The following ATP10A variants were observed in gnomAD, a reference collection of about 807,000 sequenced individuals.
The protein encoded by ATP10A is ATPase phospholipid transporting 10A (putative).
ATP10A carries 111 observed loss-of-function variants against 147.8 expected under a neutral mutation model. The ratio of observed to expected loss-of-function variants is 0.75; its 90% CI spans 0.64 to 0.88. The LOEUF is 0.88. ATP10A is among the 40% of genes least tolerant of loss of function. ATP10A has a pLI of 0.00. For synonymous variants in ATP10A, 875 were observed against 841.6 expected (o/e 1.04, Z -0.69); for missense variants, 1,927 against 1,959.0 (o/e 0.98, Z 0.31).
intron 2 of ATP10A, among the ~76,000 whole-genome samples, chr15:25,739,724 C>T (rs1887481336): frequency 6.6e-6 from 1 of 152,178 alleles, no homozygotes; most frequent in Non-Finnish European, 1.5e-5. Context: ...TCGCCCACTG[C>T]AGAGCAACAT....
chr15:25,709,562 G>C (rs1901261561), intron 10 of ATP10A: 1 of 152,288 alleles, frequency 6.6e-6, no homozygotes, highest in South Asian at 2.1e-4. Flanking sequence ...CGAGCCCAGG[G>C]AGGGAGGATG....
chr15:25,795,032 G>A (rs1890604629), intron 1 of ATP10A, among the ~76,000 whole-genome samples: 1 of 152,214 alleles, frequency 6.6e-6, no homozygotes, highest in South Asian at 2.1e-4. Flanking sequence ...TTGGGAGATA[G>A]GAAGTGCTGA....
At chr15:25,799,255 C>A (rs866934578) in intron 1 of ATP10A, among the ~76,000 whole-genome samples, 2 of 152,208 alleles carry the variant, frequency 1.3e-5, no homozygotes, top group African/African-American at 4.8e-5. Context: ...GGGCTCTCCC[C>A]TCTCACATCC....
intron 2 of ATP10A, among the ~76,000 whole-genome samples, chr15:25,769,373 G>A (rs934799146): frequency 6.6e-6 from 1 of 150,592 alleles, no homozygotes; most frequent in African/African-American, 2.4e-5. Flanking sequence ...TGTAATCCCA[G>A]CTACTCGGGA....
intron 1 of ATP10A, among the ~76,000 whole-genome samples, chr15:25,853,728 T>C (rs546499114): frequency 3.2e-4 from 49 of 151,886 alleles, no homozygotes; most frequent in African/African-American, 1.1e-3. Context: ...ATGCAGGCCA[T>C]GGCATAGCAC....
chr15:25,820,489 G>C (rs939341224), intron 1 of ATP10A, among the ~76,000 whole-genome samples: 9 of 152,122 alleles, frequency 5.9e-5, no homozygotes, highest in Non-Finnish European at 1.0e-4. Context: ...CTCCAAAGTC[G>C]AGGAGAGAAC....
rs34212354 is a variant in ATP10A, at chr15:25,847,609, C to CTTTTTTTTTTTTTTTTTTTT, written c.449+15019_449+15038dup. 7.4e-5 allele frequency among the ~76,000 whole-genome samples: 3 copies of CTTTTTTTTTTTTTTTTTTTT among 40,688 alleles called. 1 individual carries two copies. Among genetic ancestry groups the CTTTTTTTTTTTTTTTTTTTT allele is most frequent in the Non-Finnish European group, 1.5e-4 (3 of 19,912 alleles). The allele number at this position is 40,688 out of a possible 152,430, so 26.7% of individuals were successfully genotyped here. A position where few individuals can be genotyped will look rare whatever the true frequency, so the allele number is the denominator to read the frequency against. On this transcript the variant is annotated intron_variant, in intron 1 of 20. Coordinates refer to ENST00000555815, the MANE Select transcript of ATP10A (RefSeq NM_024490.4). ...CCTAGCTAATTCAAACAGCTACAGC[C>CTTTTTTTTTTTTTTTTTTTT]TTTTTTTTTTTTTTTTTTTTTTTTT... is the stretch of plus-strand genomic sequence containing the variant.
At chr15:25,817,965 G>A (rs114088527) in intron 1 of ATP10A, among the ~76,000 whole-genome samples, 1,695 of 152,202 alleles carry the variant, frequency 0.011, 39 homozygotes, top group African/African-American at 0.038. Flanking sequence ...ATTAGTTTTA[G>A]TATTCTAGTT....
intron 2 of ATP10A, among the ~76,000 whole-genome samples, chr15:25,773,559 G>C (rs548477791): frequency 2.3e-4 from 35 of 152,072 alleles, no homozygotes; most frequent in Non-Finnish European, 4.0e-4. Flanking sequence ...TCAATAGTGA[G>C]ATTGGAAACT....
chr15:25,683,192 A>G, intron 17 of ATP10A, 94 bp downstream of exon 17: 1 of 1,207,150 alleles, frequency 8.3e-7, no homozygotes, highest in Non-Finnish European at 1.2e-6. Context: ...CAGGGTGTCC[A>G]TCTGAAGGGA....
At chr15:25,794,504 C>T (rs563919595) in intron 1 of ATP10A, among the ~76,000 whole-genome samples, 1 of 152,162 alleles carries the variant, frequency 6.6e-6, no homozygotes, top group Non-Finnish European at 1.5e-5. Context: ...AACACTGCCC[C>T]GTCTTGGAAG....
In ATP10A at chr15:25,713,951, G is replaced by C; in HGVS notation, c.2067C>G (p.Arg689=). The part of the protein sequence containing the change: ...SELAQEQESE[R]ELRYEAESPD... ...GGCTCTCCGCCTCGTACCGCAGCTC[G>C]CGCTCTGACTCCTGCTCCTGAGCAA... Residue 689 remains arginine, a synonymous_variant, in exon 10 of 21, where the codon CGC becomes CGG. Transcript: ENST00000555815. 2 of 1,610,610 alleles carry C rather than the reference G, an allele frequency of 1.2e-6. No homozygotes were observed. The highest frequency in any genetic ancestry group is 1.7e-6 in the Non-Finnish European group (2 of 1,179,964).
chr15:25,673,300 C>T (rs527400699), downstream of ATP10A, among the ~76,000 whole-genome samples: 1 of 152,188 alleles, frequency 6.6e-6, no homozygotes, highest in Admixed American at 6.5e-5. Context: ...CTGTCATGGA[C>T]ACTCCTTGGC....
intron 2 of ATP10A, 33 bp downstream of exon 2, chr15:25,780,986 G>C: frequency 6.2e-7 from 1 of 1,605,936 alleles, no homozygotes; most frequent in South Asian, 1.1e-5. Context: ...TGGCTGTAAT[G>C]CCTGCAAGGC....
chr15:25,764,803 G>A (rs999063854), intron 2 of ATP10A, among the ~76,000 whole-genome samples: 1 of 152,194 alleles, frequency 6.6e-6, no homozygotes, highest in African/African-American at 2.4e-5. Flanking sequence ...TATGATGCTA[G>A]AAACCGCAGA....
intron 1 of ATP10A, among the ~76,000 whole-genome samples, chr15:25,834,552 A>C (rs1892510620): frequency 6.6e-6 from 1 of 152,214 alleles, no homozygotes; most frequent in Admixed American, 6.5e-5. Flanking sequence ...GCTGGTGGGA[A>C]TGCAAACAGC....
chr15:25,713,715 G>A lies in ATP10A; in HGVS notation c.2303C>T (p.Ala768Val). Residue 768 changes from alanine (A) to valine (V), a missense_variant, in exon 10 of 21, where the codon GCC (alanine) becomes GTC (valine). Coordinates refer to ENST00000555815, the MANE Select transcript of ATP10A (RefSeq NM_024490.4). The stretch of plus-strand genomic sequence containing the variant: ...CAGGAGATCCATGACCACTGAGTCG[G>A]CCCCCTTGGTGTAGACGTTGATCTC... ...TDEINVYTKG[A>V]DSVVMDLLQP... 6.2e-7 allele frequency: 1 copy of A among 1,614,098 alleles called. No individual in the cohort carries two copies. Among genetic ancestry groups the A allele is most frequent in the Non-Finnish European group, 8.5e-7 (1 of 1,180,026 alleles).
At chr15:25,798,917 GGTTTACTCTGT>G (rs1390664128) in intron 1 of ATP10A, among the ~76,000 whole-genome samples, 4 of 7,664 alleles carry the variant, frequency 5.2e-4, no homozygotes, top group African/African-American at 5.6e-4. Flanking sequence ...TGGCTTGAGT[GGTTTACTCTGT>G]GTCCCCTATA....
chr15:25,755,281 G>A (rs1888356694), intron 2 of ATP10A, among the ~76,000 whole-genome samples: 1 of 152,142 alleles, frequency 6.6e-6, no homozygotes. Flanking sequence ...TATGACCTCT[G>A]GATACCTGAC....
Sources: allele counts gnomAD v4.1 joint callset (sites outside exome capture counted in the v4.1 genomes callset), GRCh38; gene constraint gnomAD v4.1.1; transcripts MANE v1.5; gene names NCBI Gene and HGNC (gene_info 2026-07-23, HGNC 2026-07-21).